Variants in PDE8B observed in about 807,000 individuals in gnomAD.
PDE8B encodes the protein phosphodiesterase 8B, also known as high affinity cAMP-specific and IBMX-insensitive 3',5'-cyclic phosphodiesterase 8B.
In PDE8B, 26 loss-of-function variants were observed where a neutral mutation model predicts 101.3. The ratio of observed to expected loss-of-function variants is 0.26; its 90% CI spans 0.19 to 0.36. PDE8B has a LOEUF of 0.36. PDE8B is among the 10% of genes least tolerant of loss of function. PDE8B has a pLI of 1.00. For synonymous variants in PDE8B, 424 were observed against 429.3 expected (o/e 0.99, Z 0.15); for missense variants, 810 against 1,163.1 (o/e 0.70, Z 4.42).
the PDE8B span, among the ~76,000 whole-genome samples, chr5:77,177,745 G>A: frequency 1.3e-5 from 2 of 152,214 alleles, no homozygotes; most frequent in Non-Finnish European, 2.9e-5. Flanking sequence ...GTGACTCACG[G>A]GGGATGTGGT....
At chr5:77,307,556 T>C (rs566847323) in intron 1 of PDE8B, among the ~76,000 whole-genome samples, 3 of 152,288 alleles carry the variant, frequency 2.0e-5, no homozygotes, top group African/African-American at 7.2e-5. Flanking sequence ...TCAACAATGG[T>C]ATTTATACCA....
chr5:77,422,249 G>A (rs772612796), intron 20 of PDE8B, among the ~76,000 whole-genome samples: 1 of 152,166 alleles, frequency 6.6e-6, no homozygotes, highest in Non-Finnish European at 1.5e-5. Context: ...TCAGTTTGCT[G>A]GATCCAGAAC....
the PDE8B span, chr5:77,087,110 C>G: frequency 6.6e-6 from 1 of 152,368 alleles, no homozygotes; most frequent in Non-Finnish European, 1.5e-5. Context: ...CCCACACTCA[C>G]CCCTTTACCC....
At chr5:77,337,579 T>G (rs1158320348) in intron 6 of PDE8B, among the ~76,000 whole-genome samples, 1 of 152,236 alleles carries the variant, frequency 6.6e-6, no homozygotes, top group Non-Finnish European at 1.5e-5. Context: ...AAATGCTTAA[T>G]TTTTGCACAA....
At position 77,211,092 on chromosome 5, in the gene PDE8B, G is replaced by A. The variant is rs770558291; in HGVS notation, c.167G>A (p.Ser56Asn). The A allele has an allele frequency of 6.7e-7, 1 of 1,493,686 alleles. No individual in the cohort carries two copies. 92.5% of individuals were successfully genotyped at this position (1,493,686 alleles called of 1,614,324 possible). A position where few individuals can be genotyped will look rare whatever the true frequency, so the allele number is the denominator to read the frequency against. ...GACGCCGCCGACGCCATCCCCCCGA[G>A]CCGCGCGTCGGGACCCCCCAGCGTA... ...QTDAADAIPP[S>N]RASGPPSVAR... Residue 56 changes from serine (S) to asparagine (N), a missense_variant, in exon 1 of 22, where the codon AGC becomes AAC. Ser to Asn is a conservative substitution (Grantham distance 46, BLOSUM62 1). This residue lies in a region of PDE8B where 159 missense variants were observed against 146.6 expected (regional missense o/e 1.08). Transcript: ENST00000264917. This position sits in a 1 kb window ranked among gnomAD's most constrained non-coding sequence, Gnocchi z 4.1.
the PDE8B span, among the ~76,000 whole-genome samples, chr5:77,198,476 A>T: frequency 1.3e-5 from 2 of 152,270 alleles, no homozygotes; most frequent in East Asian, 3.9e-4. Context: ...CAGCTACAAA[A>T]GCCTGTCTGA....
the PDE8B span, among the ~76,000 whole-genome samples, chr5:77,120,153 G>A: frequency 6.6e-6 from 1 of 152,136 alleles, no homozygotes; most frequent in Non-Finnish European, 1.5e-5. Flanking sequence ...AAGCATGCTG[G>A]GTGAAAAAAG....
Position 77,420,028 on chromosome 5 carries a change from C to A in PDE8B, c.2250+141C>A. 5 of 942,110 alleles carry A rather than the reference C, an allele frequency of 5.3e-6. No individual in the cohort carries two copies. The South Asian group carries it at 6.8e-5, about 13-fold the overall frequency. The allele number at this position is 942,110 out of a possible 1,614,324, so 58.4% of individuals were successfully genotyped here. On this transcript the variant is annotated intron_variant, in intron 19 of 21. Coordinates refer to ENST00000264917, the MANE Select transcript of PDE8B (RefSeq NM_003719.5). ...TTGATAAAGGGCTGAAAGGACTGGC[C>A]ACTTGTTTTCCTTGGGGATGAAAAT...
At chr5:77,104,914 G>A in the PDE8B span, 2 of 152,130 alleles carry the variant, frequency 1.3e-5, no homozygotes, top group Non-Finnish European at 1.5e-5. Context: ...GACACAGAAT[G>A]TTTTCATAAC....
At chr5:77,280,633 C>T (rs1358550178) in intron 1 of PDE8B, among the ~76,000 whole-genome samples, 1 of 152,136 alleles carries the variant, frequency 6.6e-6, no homozygotes, top group East Asian at 1.9e-4. Flanking sequence ...CGGTGGCTCA[C>T]GCCTGTAATC....
intron 10 of PDE8B, among the ~76,000 whole-genome samples, chr5:77,381,474 G>T (rs1561619661): frequency 6.6e-6 from 1 of 152,192 alleles, no homozygotes; most frequent in Non-Finnish European, 1.5e-5. Flanking sequence ...ACCAAATGCT[G>T]TCTACCTTCC....
chr5:77,409,107 T>C (rs1794050685), intron 14 of PDE8B, 50 bp downstream of exon 14: 1 of 1,509,194 alleles, frequency 6.6e-7, no homozygotes, highest in African/African-American at 1.4e-5. Flanking sequence ...CCGGGGCCTC[T>C]AGAGTGCAGC....
chr5:77,371,595 A>G (rs182808437), intron 10 of PDE8B, among the ~76,000 whole-genome samples: 1 of 152,314 alleles, frequency 6.6e-6, no homozygotes, highest in Non-Finnish European at 1.5e-5. Flanking sequence ...TATAAATTTT[A>G]GAATTAGCTT....
At chr5:77,095,202 A>G in the PDE8B span, among the ~76,000 whole-genome samples, 4 of 152,148 alleles carry the variant, frequency 2.6e-5, no homozygotes, top group Admixed American at 6.6e-5. Context: ...AACTTTCTCA[A>G]GACACTCTCA....
At chr5:77,387,614 G>T (rs1195802759) in intron 10 of PDE8B, among the ~76,000 whole-genome samples, 2 of 151,888 alleles carry the variant, frequency 1.3e-5, no homozygotes, top group Non-Finnish European at 2.9e-5. Flanking sequence ...GAATTTGAAT[G>T]TTGGCCTGTC....
chr5:77,290,581 C>G lies in PDE8B; in HGVS notation c.340-21413C>G, dbSNP rs878957686. On this transcript the variant is annotated intron_variant, in intron 1 of 21. Coordinates refer to ENST00000264917, the MANE Select transcript of PDE8B (RefSeq NM_003719.5). Reference sequence around the variant, plus strand: ...ATCCAAGTACTAGGAAGCTTGGTGTCTTTGGAGATGGGGAAAATCTTAGTG... The same window carrying G: ...ATCCAAGTACTAGGAAGCTTGGTGTGTTTGGAGATGGGGAAAATCTTAGTG... 1.1e-4 allele frequency: 159 copies of G among 1,502,914 alleles called. 1 individual carries two copies. In the South Asian group the frequency reaches 1.6e-3, roughly 15 times the overall value. The allele number at this position is 1,502,914 out of a possible 1,614,324, so 93.1% of individuals were successfully genotyped here.
the PDE8B span, among the ~76,000 whole-genome samples, chr5:77,121,022 C>T: frequency 1.3e-5 from 2 of 152,196 alleles, no homozygotes; most frequent in African/African-American, 4.8e-5. Context: ...ATGGAAAGTG[C>T]TCCAGAAGTA....
chr5:77,194,108 A>T, the PDE8B span, among the ~76,000 whole-genome samples: 1 of 151,986 alleles, frequency 6.6e-6, no homozygotes, highest in Non-Finnish European at 1.5e-5. Context: ...TCTTTCCCAG[A>T]TTGTATCTTT....
the PDE8B span, among the ~76,000 whole-genome samples, chr5:77,159,306 C>T: frequency 3.3e-5 from 5 of 152,120 alleles, no homozygotes; most frequent in Admixed American, 1.3e-4. Context: ...TAATTTGAGT[C>T]GGTGGGCTGC....
Sources: gnomAD v4.1 joint callset for allele counts (sites outside exome capture counted in the v4.1 genomes callset) on GRCh38, gnomAD v4.1.1 for gene constraint, gnomAD v4.1.1 regional missense constraint, Gnocchi (gnomAD v3.1) non-coding constraint, MANE v1.5 for transcripts, NCBI Gene and HGNC (gene_info 2026-07-23, HGNC 2026-07-21) for gene names.